DENND4A: variants seen among roughly 807,000 people sequenced by gnomAD.
DENND4A encodes DENN domain containing 4A, also known as C-myc promoter-binding protein.
DENND4A carries 70 observed loss-of-function variants against 199.3 expected under a neutral mutation model. The ratio of observed to expected loss-of-function variants is 0.35; its 90% confidence interval spans 0.29 to 0.43. The LOEUF (loss-of-function observed/expected upper bound fraction) is 0.43. Among genes scored for constraint, DENND4A ranks in the 20% least tolerant of loss-of-function variants. The pLI is 1.00. For synonymous variants in DENND4A, 686 were observed against 766.9 expected (o/e 0.89, Z 1.74); for missense variants, 1,723 against 2,255.8 (o/e 0.76, Z 4.78).
Position 65,671,806 on chromosome 15 carries a change from T to G in DENND4A, c.4450A>C (p.Asn1484His). 1 of 1,606,984 alleles carries G rather than the reference T, an allele frequency of 6.2e-7. No individual in the cohort carries two copies. Among genetic ancestry groups the G allele is most frequent in the Non-Finnish European group, 8.5e-7 (1 of 1,173,492 alleles). Residue 1484 changes from asparagine (N) to histidine (H), a missense_variant, in exon 25 of 33, where the codon AAC becomes CAC. Asn to His is a moderately conservative substitution (Grantham distance 68). This residue lies in a region of DENND4A where 650 missense variants were observed against 738.1 expected (regional missense o/e 0.88). Transcript: ENST00000443035. Reference protein sequence around the residue: ...FNASNTNIFQNYAMEVLISSC... With the variant: ...FNASNTNIFQHYAMEVLISSC... ...CAAAAGTGTACCTCCATTGCATAGT[T>G]CTGGAAGATATTTGTATTACTCGCG...
intron 22 of DENND4A, among the ~76,000 whole-genome samples, chr15:65,691,898 T>C (rs2076981559): frequency 6.6e-6 from 1 of 151,530 alleles, no homozygotes; most frequent in Non-Finnish European, 1.5e-5. Flanking sequence ...TTCCACTAAA[T>C]AAATTACAAT....
At chr15:65,695,619 C>T (rs531828791) in intron 22 of DENND4A, among the ~76,000 whole-genome samples, 11 of 152,200 alleles carry the variant, frequency 7.2e-5, no homozygotes, top group Non-Finnish European at 1.3e-4. Context: ...AGCACATGTT[C>T]TTCAATATTT....
chr15:65,788,099 C>CA (rs1244945187), intron 1 of DENND4A, among the ~76,000 whole-genome samples: 5 of 149,324 alleles, frequency 3.3e-5, no homozygotes, highest in African/African-American at 1.2e-4. Context: ...TTTTTTGAGA[C>CA]AGAGTCTCGT....
At chr15:65,745,242 G>A (rs2076357859) in intron 4 of DENND4A, among the ~76,000 whole-genome samples, 1 of 152,120 alleles carries the variant, frequency 6.6e-6, no homozygotes, top group African/African-American at 2.4e-5. Flanking sequence ...ACAGCATAAT[G>A]TGGTCAAACT....
At chr15:65,715,425 T>G (rs2075368939) in intron 14 of DENND4A, 53 bp downstream of exon 14, 1 of 1,506,296 alleles carries the variant, frequency 6.6e-7, no homozygotes, top group Admixed American at 2.3e-5. Context: ...CTCATAACAT[T>G]TATAACAGTC....
At position 65,659,322 on chromosome 15, in the gene DENND4A, G is replaced by GTTTT. The variant is rs869058369; in HGVS notation, c.*2525_*2528dup. The GTTTT allele has an allele frequency of 2.7e-4, 19 of 71,582 alleles. 3 individuals are homozygous for GTTTT. The highest frequency in any genetic ancestry group is 3.9e-4 in the African/African-American group (5 of 12,928). 4.4% of individuals were successfully genotyped at this position (71,582 alleles called of 1,614,324 possible). On this transcript the variant is annotated 3_prime_UTR_variant, in exon 33 of 33. Transcript: ENST00000443035. ...TATTTTAAATGATTGATATTTTCTG[G>GTTTT]TTTTTTTTTTTTTTTTTTTTTTTTT...
chr15:65,715,252 TAA>T, intron 14 of DENND4A: 1 of 384,890 alleles, frequency 2.6e-6, no homozygotes. Flanking sequence ...ATTGCTACAA[TAA>T]AACTTATGAT....
chr15:65,783,044 G>GA (rs1281394855), intron 1 of DENND4A, among the ~76,000 whole-genome samples: 2 of 151,186 alleles, frequency 1.3e-5, no homozygotes, highest in Non-Finnish European at 2.9e-5. Flanking sequence ...TTGGGCAAGG[G>GA]AAATTTTTTA....
At chr15:65,747,663 A>G (rs1464931794) in intron 4 of DENND4A, among the ~76,000 whole-genome samples, 1 of 152,184 alleles carries the variant, frequency 6.6e-6, no homozygotes, top group East Asian at 1.9e-4. Context: ...CCACATATCA[A>G]TACACCCCAG....
chr15:65,792,066 C>A lies in DENND4A; in HGVS notation c.-158G>T, dbSNP rs1317091341. ...CGAGCTCGGAGAGCGGCGCCGGAATCCCGCACGCGCGGTAGCGGAACACGA... is the reference window on the plus strand; with the variant it reads ...CGAGCTCGGAGAGCGGCGCCGGAATACCGCACGCGCGGTAGCGGAACACGA... On this transcript the variant is annotated 5_prime_UTR_variant, in exon 1 of 33. Transcript: ENST00000443035. The A allele has an allele frequency of 6.6e-6, 1 of 152,392 alleles. No homozygotes were observed. The highest frequency in any genetic ancestry group is 2.4e-5 in the African/African-American group (1 of 41,470). The allele number at this position is 152,392 out of a possible 1,614,324, so 9.4% of individuals were successfully genotyped here. A position where few individuals can be genotyped will look rare whatever the true frequency, so the allele number is the denominator to read the frequency against.
intron 29 of DENND4A, among the ~76,000 whole-genome samples, chr15:65,666,543 A>G (rs1407087094): frequency 6.6e-6 from 1 of 152,198 alleles, no homozygotes; most frequent in Non-Finnish European, 1.5e-5. Flanking sequence ...TTGAGACCAC[A>G]GTTACCATGG....
At chr15:65,776,566 C>A (rs1323195174) in intron 1 of DENND4A, among the ~76,000 whole-genome samples, 1 of 152,178 alleles carries the variant, frequency 6.6e-6, no homozygotes, top group Non-Finnish European at 1.5e-5. Context: ...TTTACCTACA[C>A]ACCTATCCTC....
intron 23 of DENND4A, chr15:65,680,686 C>T (rs923377158): frequency 5.9e-5 from 9 of 152,124 alleles, no homozygotes; most frequent in East Asian, 5.8e-4. Context: ...AGGCACTGTA[C>T]AGACCTACCT....
At chr15:65,744,272 T>C (rs1385872512) in intron 4 of DENND4A, among the ~76,000 whole-genome samples, 3 of 152,134 alleles carry the variant, frequency 2.0e-5, no homozygotes, top group Non-Finnish European at 1.5e-5. Flanking sequence ...TGGAGAAGAC[T>C]GTGGATAAAG....
intron 3 of DENND4A, 35 bp downstream of exon 3, chr15:65,756,105 A>G (rs765188486): frequency 3.0e-5 from 46 of 1,520,360 alleles, no homozygotes; most frequent in Non-Finnish European, 4.0e-5. Context: ...TATTATTTGG[A>G]TCAATAACAG....
At chr15:65,768,049 CTCAAA>C (rs2077029862) in intron 1 of DENND4A, among the ~76,000 whole-genome samples, 1 of 152,148 alleles carries the variant, frequency 6.6e-6, no homozygotes, top group African/African-American at 2.4e-5. Context: ...TTCAGCAAAC[CTCAAA>C]TCAGTGTGGA....
chr15:65,671,268 T>C (rs975831621), intron 25 of DENND4A, among the ~76,000 whole-genome samples: 1 of 152,244 alleles, frequency 6.6e-6, no homozygotes, highest in Non-Finnish European at 1.5e-5. Context: ...AGATCTGTCC[T>C]AATAGAAATA....
At chr15:65,715,392 A>C (rs540809447) in intron 14 of DENND4A, 86 bp downstream of exon 14, 59 of 1,259,750 alleles carry the variant, frequency 4.7e-5, no homozygotes, top group Non-Finnish European at 6.0e-5. Context: ...AATTTCATTA[A>C]AAGCTGTACA....
At chr15:65,731,377 A>G (rs932645921) in intron 9 of DENND4A, 1 of 500,498 alleles carries the variant, frequency 2.0e-6, no homozygotes, top group Non-Finnish European at 3.9e-6. Context: ...CTCATCATCT[A>G]CATACATAAA....
Sources: gnomAD v4.1 joint callset for allele counts (sites outside exome capture counted in the v4.1 genomes callset) on GRCh38, gnomAD v4.1.1 for gene constraint, gnomAD v4.1.1 regional missense constraint, MANE v1.5 for transcripts, NCBI Gene and HGNC (gene_info 2026-07-23, HGNC 2026-07-21) for gene names.